Variants in BRIP1 observed in about 807,000 individuals in gnomAD.
The protein encoded by BRIP1 is Fanconi anemia group J protein.
A neutral mutation model predicts 119.7 loss-of-function variants in BRIP1; 88 were observed. The observed-to-expected ratio is 0.74, with a 90% CI of 0.62 to 0.88. The LOEUF (loss-of-function observed/expected upper bound fraction) is 0.88. BRIP1 is among the 40% of genes least tolerant of loss of function. The probability of loss-of-function intolerance (pLI) is 0.00; values close to 1 mark genes in which losing one functional copy is unlikely to be tolerated. For synonymous variants in BRIP1, 443 were observed against 496.5 expected (o/e 0.89, Z 1.43); for missense variants, 1,259 against 1,455.4 (o/e 0.87, Z 2.20).
rs1487810460 is a variant in BRIP1 at position 61,769,840 on chromosome 17, T to C, written c.2097+6561A>G. On this transcript the variant is annotated intron_variant, in intron 14 of 19. Transcript: ENST00000259008. The surrounding 1 kb of genome is among the most constrained non-coding windows in gnomAD (Gnocchi z 4.9). ...TGACAGAAATAGTTAAAAGATAATA[T>C]TGATGAATTGCTGGAGATAAAATGT... 6.6e-6 allele frequency among the ~76,000 whole-genome samples: 1 copy of C among 152,120 alleles called. No individual in the cohort carries two copies. The highest frequency in any genetic ancestry group is 1.5e-5 in the Non-Finnish European group (1 of 68,026).
At position 61,793,014 on chromosome 17, in the gene BRIP1, T is replaced by C. The variant is rs1242047856; in HGVS notation, c.1473+583A>G. Among the ~76,000 whole-genome samples the C allele has an allele frequency of 6.6e-6, 1 of 152,028 alleles. No individual in the cohort carries two copies. The highest frequency in any genetic ancestry group is 2.4e-5 in the African/African-American group (1 of 41,390). ...TTTTTCTCTAAACCTAAAACAACCA[T>C]TCTAAAATACATAATCTATTAATTT... is the stretch of plus-strand genomic sequence containing the variant. On this transcript the variant is annotated intron_variant, in intron 10 of 19. Coordinates refer to ENST00000259008, the MANE Select transcript of BRIP1 (RefSeq NM_032043.3). This position sits in a 1 kb window ranked among gnomAD's most constrained non-coding sequence, Gnocchi z 5.2.
At chr17:61,714,806 T>A (rs2144367536) in intron 17 of BRIP1, among the ~76,000 whole-genome samples, 1 of 151,260 alleles carries the variant, frequency 6.6e-6, no homozygotes, top group Admixed American at 6.6e-5. Context: ...GCTAATTTTT[T>A]TTTTTTTTTT....
Position 61,681,900 on chromosome 17 carries a change from A to G in BRIP1, c.*1396T>C. 5.0e-6 allele frequency: 1 copy of G among 199,414 alleles called. No individual in the cohort carries two copies. The highest frequency in any genetic ancestry group is 1.0e-5 in the Non-Finnish European group (1 of 96,596). 12.4% of individuals were successfully genotyped at this position (199,414 alleles called of 1,614,324 possible). A position where few individuals can be genotyped will look rare whatever the true frequency, so the allele number is the denominator to read the frequency against. On this transcript the variant is annotated 3_prime_UTR_variant, in exon 20 of 20. Transcript: ENST00000259008. The surrounding 1 kb of genome is among the most constrained non-coding windows in gnomAD (Gnocchi z 5.1). ...CTGGAAATTTTGACTTGAAAATAAT[A>G]GACCATACAGAATTCTTGGATAGCT... is the stretch of plus-strand genomic sequence containing the variant.
intron 10 of BRIP1, among the ~76,000 whole-genome samples, chr17:61,788,811 AGCCAG>A (rs751260435): frequency 6.6e-6 from 1 of 151,932 alleles, no homozygotes; most frequent in Non-Finnish European, 1.5e-5. Flanking sequence ...AAAAAAATTA[AGCCAG>A]GCACGGGTGG....
rs67186945 is a variant in BRIP1 at position 61,722,036 on chromosome 17, CTT to C, written c.2380-5975_2380-5974del. Among the ~76,000 whole-genome samples the C allele has an allele frequency of 8.2e-4, 116 of 141,810 alleles. No homozygotes were observed. Among genetic ancestry groups the C allele is most frequent in the Non-Finnish European group, 1.2e-3 (79 of 64,930 alleles). The allele number at this position is 141,810 out of a possible 152,430, so 93.0% of individuals were successfully genotyped here. A position where few individuals can be genotyped will look rare whatever the true frequency, so the allele number is the denominator to read the frequency against. ...GAGCCACCACGCCTAGCCAACTTTG[CTT>C]TTTTTTTTTTTCTTTTTTTTTGAGA... is the stretch of plus-strand genomic sequence containing the variant. On this transcript the variant is annotated intron_variant, in intron 16 of 19. Coordinates refer to ENST00000259008, the MANE Select transcript of BRIP1 (RefSeq NM_032043.3). The surrounding 1 kb of genome is among the most constrained non-coding windows in gnomAD (Gnocchi z 4.6).
intron 6 of BRIP1, among the ~76,000 whole-genome samples, chr17:61,840,560 T>G (rs2078644037): frequency 6.6e-6 from 1 of 152,122 alleles, no homozygotes; most frequent in South Asian, 2.1e-4. Flanking sequence ...GTGGATCGCT[T>G]AAGCCCAGGA....
At chr17:61,728,834 G>T (rs2144547168) in intron 16 of BRIP1, among the ~76,000 whole-genome samples, 1 of 152,186 alleles carries the variant, frequency 6.6e-6, no homozygotes, top group Admixed American at 6.5e-5. Context: ...ATATCTCCAG[G>T]AGAAAAAAGG....
rs529602777 is a variant in BRIP1, at chr17:61,810,581, T to C, written c.628-1824A>G. Among the ~76,000 whole-genome samples, 4 of 152,360 alleles carry C rather than the reference T, an allele frequency of 2.6e-5. No homozygotes were observed. Among genetic ancestry groups the C allele is most frequent in the African/African-American group, 7.2e-5 (3 of 41,588 alleles). ...GCCCAATGCACTGTTATGTACTATA[T>C]AGATACATTCTATCTAAGCATAAAA... On this transcript the variant is annotated intron_variant, in intron 6 of 19. Coordinates refer to ENST00000259008, the MANE Select transcript of BRIP1 (RefSeq NM_032043.3). The surrounding 1 kb of genome is among the most constrained non-coding windows in gnomAD (Gnocchi z 4.7).
chr17:61,799,926 A>C lies in BRIP1; in HGVS notation c.1141-627T>G, dbSNP rs1473267160. ...ATCAAAGGACATCACCACTTTCACA[A>C]TGGGGGTAAGGCCCAGGATTGTCAG... On this transcript the variant is annotated intron_variant, in intron 8 of 19. Transcript: ENST00000259008. This position sits in a 1 kb window ranked among gnomAD's most constrained non-coding sequence, Gnocchi z 5.1. Among the ~76,000 whole-genome samples the C allele has an allele frequency of 6.6e-6, 1 of 152,000 alleles. No homozygotes were observed. The highest frequency in any genetic ancestry group is 1.9e-4 in the East Asian group (1 of 5,172).
chr17:61,695,232 A>G lies in BRIP1; in HGVS notation c.2493-1720T>C, dbSNP rs2061503564. Among the ~76,000 whole-genome samples the G allele has an allele frequency of 6.6e-6, 1 of 152,072 alleles. No individual in the cohort carries two copies. Among genetic ancestry groups the G allele is most frequent in the African/African-American group, 2.4e-5 (1 of 41,438 alleles). ...ACAGATATCCAGTTGTCCCAACACCATCTGTTGAAAAGACTATTCTTTCTT... is the reference window on the plus strand; with the variant it reads ...ACAGATATCCAGTTGTCCCAACACCGTCTGTTGAAAAGACTATTCTTTCTT... On this transcript the variant is annotated intron_variant, in intron 17 of 19. Transcript: ENST00000259008. This position sits in a 1 kb window ranked among gnomAD's most constrained non-coding sequence, Gnocchi z 4.3.
chr17:61,713,620 C>G lies in BRIP1; in HGVS notation c.2492+2331G>C, dbSNP rs1054821356. 1.3e-5 allele frequency among the ~76,000 whole-genome samples: 2 copies of G among 151,418 alleles called. No homozygotes were observed. Among genetic ancestry groups the G allele is most frequent in the Non-Finnish European group, 2.9e-5 (2 of 67,954 alleles). ...CACTGCAGCCTCCACCTCCCGGGTTCAAGTAATTCTCCTGCCCCAGCCTCC... is the reference window on the plus strand; with the variant it reads ...CACTGCAGCCTCCACCTCCCGGGTTGAAGTAATTCTCCTGCCCCAGCCTCC... On this transcript the variant is annotated intron_variant, in intron 17 of 19. Transcript: ENST00000259008. The surrounding 1 kb of genome is among the most constrained non-coding windows in gnomAD (Gnocchi z 4.9).
rs115103269 is a variant in BRIP1 at position 61,797,196 on chromosome 17, T to C, written c.1340+1904A>G. 4.9e-3 allele frequency among the ~76,000 whole-genome samples: 744 copies of C among 151,958 alleles called. 5 individuals are homozygous for C. The highest frequency in any genetic ancestry group is 0.017 in the African/African-American group (702 of 41,474). On this transcript the variant is annotated intron_variant, in intron 9 of 19. Transcript: ENST00000259008. ...TTCTAAGCTATGATACTACAAACTA[T>C]TTAGGGAAAATAGAACTACAGAAGA...
At position 61,709,211 on chromosome 17, in the gene BRIP1, C is replaced by G. The variant is rs1467158354; in HGVS notation, c.2492+6740G>C. On this transcript the variant is annotated intron_variant, in intron 17 of 19. Coordinates refer to ENST00000259008, the MANE Select transcript of BRIP1 (RefSeq NM_032043.3). This position sits in a 1 kb window ranked among gnomAD's most constrained non-coding sequence, Gnocchi z 5.0. The stretch of plus-strand genomic sequence containing the variant: ...TCATCAATGTAGATTTAAATTTCAG[C>G]TTTCTCTTGCCTGCTAAGTCATTCA... Among the ~76,000 whole-genome samples, 1 of 152,174 alleles carries G rather than the reference C, an allele frequency of 6.6e-6. No homozygotes were observed. Among genetic ancestry groups the G allele is most frequent in the Non-Finnish European group, 1.5e-5 (1 of 68,026 alleles).
chr17:61,818,441 C>T (rs112422380), intron 6 of BRIP1, among the ~76,000 whole-genome samples: 21 of 152,212 alleles, frequency 1.4e-4, no homozygotes, highest in African/African-American at 4.1e-4. Context: ...GTATTTGGGG[C>T]ATTTAGACTG....
At position 61,683,164 on chromosome 17, in the gene BRIP1, C is replaced by T. The variant is rs143361598; in HGVS notation, c.*132G>A. 1.1e-3 allele frequency: 1,224 copies of T among 1,126,214 alleles called. 1 individual carries two copies. The highest frequency in any genetic ancestry group is 1.4e-3 in the Non-Finnish European group (1,145 of 795,052). The allele number at this position is 1,126,214 out of a possible 1,614,324, so 69.8% of individuals were successfully genotyped here. A position where few individuals can be genotyped will look rare whatever the true frequency, so the allele number is the denominator to read the frequency against. On this transcript the variant is annotated 3_prime_UTR_variant, in exon 20 of 20. Coordinates refer to ENST00000259008, the MANE Select transcript of BRIP1 (RefSeq NM_032043.3). The surrounding 1 kb of genome is among the most constrained non-coding windows in gnomAD (Gnocchi z 4.7). ...AAACCCAAAAACTCAAGAATAATAA[C>T]ATTTACATTTCTGAACATAAAATAG... is the stretch of plus-strand genomic sequence containing the variant.
rs2145083156 is a variant in BRIP1, at chr17:61,780,437, T to A, written c.1795-36A>T. The A allele has an allele frequency of 6.3e-7, 1 of 1,580,448 alleles. No homozygotes were observed. Among genetic ancestry groups the A allele is most frequent in the Non-Finnish European group, 8.7e-7 (1 of 1,150,748 alleles). Reference sequence around the variant, plus strand: ...ACAACATTAGATAAATAAAATTATCTTTAGAAGAGGCTGGGCAAAGTGGCT... The same window carrying A: ...ACAACATTAGATAAATAAAATTATCATTAGAAGAGGCTGGGCAAAGTGGCT... On this transcript the variant is annotated intron_variant, in intron 12 of 19. Transcript: ENST00000259008. This position sits in a 1 kb window ranked among gnomAD's most constrained non-coding sequence, Gnocchi z 5.4.
chr17:61,793,857 TGGATTAATTAAGACA>T lies in BRIP1; in HGVS notation c.1341-143_1341-129del. ...TCTTGACATTCTTAGGACATGAATG[TGGATTAATTAAGACA>T]CCTTTTAAAAAGCATTCATGTCTCA... On this transcript the variant is annotated intron_variant, in intron 9 of 19. Transcript: ENST00000259008. This position sits in a 1 kb window ranked among gnomAD's most constrained non-coding sequence, Gnocchi z 5.2. 2.1e-6 allele frequency: 2 copies of T among 952,482 alleles called. No individual in the cohort carries two copies. Among genetic ancestry groups the T allele is most frequent in the Non-Finnish European group, 1.5e-6 (1 of 681,796 alleles). The allele number at this position is 952,482 out of a possible 1,614,324, so 59.0% of individuals were successfully genotyped here. A position where few individuals can be genotyped will look rare whatever the true frequency, so the allele number is the denominator to read the frequency against.
Position 61,735,894 on chromosome 17 carries a change from A to T in BRIP1, c.2379+7119T>A, listed in dbSNP as rs1422293566. ...GACCCCAAGTGCCAGATAACAACACAACCTGGCCAACACTCTGATTGCAGC... is the reference window on the plus strand; with the variant it reads ...GACCCCAAGTGCCAGATAACAACACTACCTGGCCAACACTCTGATTGCAGC... On this transcript the variant is annotated intron_variant, in intron 16 of 19. Coordinates refer to ENST00000259008, the MANE Select transcript of BRIP1 (RefSeq NM_032043.3). This position sits in a 1 kb window ranked among gnomAD's most constrained non-coding sequence, Gnocchi z 4.4. Among the ~76,000 whole-genome samples the T allele has an allele frequency of 6.6e-6, 1 of 152,106 alleles. No individual in the cohort carries two copies. Among genetic ancestry groups the T allele is most frequent in the African/African-American group, 2.4e-5 (1 of 41,420 alleles).
chr17:61,801,942 T>A (rs766643949), intron 7 of BRIP1, among the ~76,000 whole-genome samples: 1 of 152,108 alleles, frequency 6.6e-6, no homozygotes, highest in African/African-American at 2.4e-5. Context: ...TATTTCTTAT[T>A]CAAATATAAA....
Sources: gnomAD v4.1 joint callset for allele counts (sites outside exome capture counted in the v4.1 genomes callset) on GRCh38, gnomAD v4.1.1 for gene constraint, Gnocchi (gnomAD v3.1) non-coding constraint, MANE v1.5 for transcripts, NCBI Gene and HGNC (gene_info 2026-07-23, HGNC 2026-07-21) for gene names.